Variants in TYW1B observed in about 807,000 individuals in gnomAD.
The protein encoded by TYW1B is tRNA-yW synthesizing protein 1 homolog B, also known as S-adenosyl-L-methionine-dependent tRNA 4-demethylwyosine synthase TYW1B.
Under a neutral mutation model 86.9 loss-of-function variants are expected in TYW1B, and 73 were observed. That is an observed-to-expected ratio of 0.84 (90% confidence interval 0.70 to 1.02). The LOEUF is 1.02. TYW1B is among the 50% of genes least tolerant of loss of function. The probability of loss-of-function intolerance (pLI) is 0.00; values close to 1 mark genes in which losing one functional copy is unlikely to be tolerated. For missense variants in TYW1B, 637 were observed against 827.4 expected (o/e 0.77, Z 2.82); for synonymous variants, 248 against 292.8 (o/e 0.85, Z 1.56).
intron 11 of TYW1B, among the ~76,000 whole-genome samples, chr7:72,687,588 GTTA>G (rs1298907758): frequency 6.6e-6 from 1 of 152,040 alleles, no homozygotes. Flanking sequence ...TTATAATTGA[GTTA>G]TTATATTATA....
intron 5 of TYW1B, 101 bp downstream of exon 5, chr7:72,806,965 T>C (rs1788506994): frequency 6.8e-7 from 1 of 1,470,718 alleles, no homozygotes; most frequent in Non-Finnish European, 9.1e-7. Flanking sequence ...ATCTTCCTTC[T>C]AACCAGAAGC....
chr7:72,809,506 A>AGTGGT, intron 4 of TYW1B, among the ~76,000 whole-genome samples: 1 of 152,040 alleles, frequency 6.6e-6, no homozygotes, highest in South Asian at 2.1e-4. Context: ...TTGAAAGATT[A>AGTGGT]GCCAGGGGTA....
chr7:72,578,035 G>C (rs1358812731), intron 13 of TYW1B, among the ~76,000 whole-genome samples: 1 of 151,910 alleles, frequency 6.6e-6, no homozygotes, highest in Non-Finnish European at 1.5e-5. Context: ...CACCAAGCCT[G>C]CTGGCTCTGT....
intron 3 of TYW1B, 49 bp downstream of exon 3, chr7:72,815,331 G>A: frequency 1.4e-6 from 2 of 1,469,310 alleles, no homozygotes; most frequent in South Asian, 1.3e-5. Flanking sequence ...GAAGATTGCA[G>A]ATCAGTTAAA....
chr7:72,778,647 T>TC, intron 6 of TYW1B, among the ~76,000 whole-genome samples: 1 of 152,290 alleles, frequency 6.6e-6, no homozygotes, highest in African/African-American at 2.4e-5. Context: ...AGACAGGGTT[T>TC]CCCCATGTTG....
chr7:72,699,672 CAG>C (rs1554452120), intron 10 of TYW1B, among the ~76,000 whole-genome samples: 1 of 150,934 alleles, frequency 6.6e-6, no homozygotes, highest in Non-Finnish European at 1.5e-5. Flanking sequence ...TTTTTAAAGA[CAG>C]AGTCTTGCTC....
chr7:72,616,314 G>A (rs1229407260), intron 13 of TYW1B, among the ~76,000 whole-genome samples: 3 of 152,194 alleles, frequency 2.0e-5, no homozygotes, highest in Non-Finnish European at 2.9e-5. Context: ...GCTTCTGACA[G>A]CTAGAAACCC....
intron 10 of TYW1B, among the ~76,000 whole-genome samples, chr7:72,713,300 C>CAAAAAA (rs71069102): frequency 3.4e-4 from 19 of 55,836 alleles, no homozygotes; most frequent in Admixed American, 1.1e-3. Context: ...GACTCCAACT[C>CAAAAAA]AAAAAAAAAA....
chr7:72,737,591 G>T (rs1787218211), intron 8 of TYW1B, among the ~76,000 whole-genome samples: 1 of 152,108 alleles, frequency 6.6e-6, no homozygotes, highest in South Asian at 2.1e-4. Flanking sequence ...TGTAAACTGT[G>T]AAACAAGAAA....
chr7:72,769,331 C>T (rs1463872158), intron 7 of TYW1B: 4 of 167,898 alleles, frequency 2.4e-5, no homozygotes, highest in East Asian at 3.1e-4. Context: ...CAGAGAACCA[C>T]GCAGCACTGT....
chr7:72,703,852 C>G (rs1431409991), intron 10 of TYW1B, among the ~76,000 whole-genome samples: 1 of 145,326 alleles, frequency 6.9e-6, no homozygotes, highest in Non-Finnish European at 1.5e-5. Context: ...GAGACCCTGT[C>G]TCAAAAAAAA....
At chr7:72,607,089 T>C (rs1360205720) in intron 13 of TYW1B, among the ~76,000 whole-genome samples, 1 of 152,138 alleles carries the variant, frequency 6.6e-6, no homozygotes, top group Non-Finnish European at 1.5e-5. Context: ...CAATGGGCTA[T>C]TAAAAACGGA....
intron 11 of TYW1B, among the ~76,000 whole-genome samples, chr7:72,632,377 T>TATA (rs1563038661): frequency 5.6e-5 from 5 of 89,538 alleles, no homozygotes; most frequent in African/African-American, 2.0e-4. Context: ...GCATATATAT[T>TATA]ATATATATAC....
chr7:72,658,532 G>A (rs1334726708), intron 11 of TYW1B, among the ~76,000 whole-genome samples: 18 of 152,120 alleles, frequency 1.2e-4, no homozygotes, highest in African/African-American at 4.3e-4. Context: ...AACTTAAGCG[G>A]GAAGGAAATG....
rs1813633828 is a variant in TYW1B, at chr7:72,672,507, C to CACAT, written c.1506+22179_1506+22180insATGT. ...ACACACACACACACACACACACACA[C>CACAT]ACCTGTATACACAGGTATGTAATAT... is the stretch of plus-strand genomic sequence containing the variant. On this transcript the variant is annotated intron_variant, in intron 11 of 13. Transcript: ENST00000620995. Among the ~76,000 whole-genome samples, 4 of 150,872 alleles carry CACAT rather than the reference C, an allele frequency of 2.7e-5. 1 individual carries two copies. The highest frequency in any genetic ancestry group is 5.9e-5 in the Non-Finnish European group (4 of 67,852).
intron 13 of TYW1B, among the ~76,000 whole-genome samples, chr7:72,605,456 C>G (rs1334412716): frequency 6.6e-6 from 1 of 151,784 alleles, no homozygotes; most frequent in African/African-American, 2.4e-5. Flanking sequence ...CTGGTTGAAG[C>G]GATTCTCCTG....
rs560945611 is a variant in TYW1B, at chr7:72,591,778, T to C, written c.1786-16059A>G. On this transcript the variant is annotated intron_variant, in intron 13 of 13. Coordinates refer to ENST00000620995, the MANE Select transcript of TYW1B (RefSeq NM_001145440.3). ...GGTAAATATATGGGCAAATATAAAA[T>C]TGATTGTTATAGCTTTGTTTTGTAA... 4.1e-4 allele frequency among the ~76,000 whole-genome samples: 63 copies of C among 152,186 alleles called. 1 individual carries two copies. The South Asian group carries it at 0.013, about 31-fold the overall frequency.
At chr7:72,778,943 G>A (rs1554471141) in intron 6 of TYW1B, among the ~76,000 whole-genome samples, 2 of 151,700 alleles carry the variant, frequency 1.3e-5, no homozygotes, top group Non-Finnish European at 2.9e-5. Flanking sequence ...CTTTTTAAAA[G>A]TTTATTTGTG....
At chr7:72,815,894 T>C (rs1485016137) in intron 2 of TYW1B, among the ~76,000 whole-genome samples, 1 of 152,012 alleles carries the variant, frequency 6.6e-6, no homozygotes, top group South Asian at 2.1e-4. Context: ...CCAGGTGTGA[T>C]GGTACACACC....
Sources: gnomAD v4.1 joint callset for allele counts (sites outside exome capture counted in the v4.1 genomes callset) on GRCh38, gnomAD v4.1.1 for gene constraint, MANE v1.5 for transcripts, NCBI Gene and HGNC (gene_info 2026-07-23, HGNC 2026-07-21) for gene names.